The following AGL variants were observed in gnomAD, a reference collection of about 807,000 sequenced individuals.
The protein encoded by AGL is glycogen debranching enzyme.
A neutral mutation model predicts 199.3 loss-of-function variants in AGL; 128 were observed. That is an observed-to-expected ratio of 0.64 (90% CI 0.56 to 0.74). The LOEUF (loss-of-function observed/expected upper bound fraction) is 0.74. Ranked by LOEUF, AGL falls within the 30% of genes least tolerant of loss-of-function variation. AGL has a pLI of 0.00. For synonymous variants in AGL, 584 were observed against 594.7 expected, an observed-to-expected ratio of 0.98 and a Z score of 0.26; for missense variants, 1,809 against 1,820.8, an observed-to-expected ratio of 0.99 and a Z score of 0.12.
intron 25 of AGL, among the ~76,000 whole-genome samples, chr1:99,899,764 G>T (rs957652717): frequency 6.6e-6 from 1 of 151,936 alleles, no homozygotes; most frequent in Non-Finnish European, 1.5e-5. Context: ...GGGATTACAG[G>T]TGCCTGCCAC....
chr1:99,915,587 T>C, intron 31 of AGL, 101 bp downstream of exon 31: 1 of 882,682 alleles, frequency 1.1e-6, no homozygotes, highest in East Asian at 2.4e-5. Context: ...CAAAAGGAGA[T>C]GCCATCTCTA....
chr1:99,903,307 C>T (rs913530276), intron 27 of AGL, among the ~76,000 whole-genome samples: 2 of 152,000 alleles, frequency 1.3e-5, no homozygotes, highest in Non-Finnish European at 2.9e-5. Context: ...CACAACAGGC[C>T]CCAGTATGTG....
At chr1:99,864,721 G>A in intron 5 of AGL, 132 bp downstream of exon 5, 2 of 771,248 alleles carry the variant, frequency 2.6e-6, no homozygotes, top group Non-Finnish European at 4.2e-6. Flanking sequence ...AAACACAAAT[G>A]ATGATTAGGT....
intron 2 of AGL, among the ~76,000 whole-genome samples, chr1:99,852,134 C>A (rs1416625214): frequency 6.6e-6 from 1 of 151,930 alleles, no homozygotes; most frequent in African/African-American, 2.4e-5. Context: ...GCTAGGAATT[C>A]TTTTTCTGTT....
intron 2 of AGL, among the ~76,000 whole-genome samples, chr1:99,856,326 T>G (rs6674610): frequency 1.2e-4 from 6 of 48,880 alleles, no homozygotes; most frequent in Non-Finnish European, 2.3e-4. Flanking sequence ...CTCCCTTCCT[T>G]CCTCCCTCCC....
chr1:99,883,924 T>C (rs1252434529), intron 17 of AGL, among the ~76,000 whole-genome samples, 196 bp from the exon 18 acceptor site: 1 of 152,178 alleles, frequency 6.6e-6, no homozygotes, highest in Non-Finnish European at 1.5e-5. Context: ...AAAAAAGCTT[T>C]GTTAACTAAG....
At chr1:99,888,308 A>G (rs911153857) in intron 21 of AGL, among the ~76,000 whole-genome samples, 200 bp downstream of exon 21, 1 of 152,182 alleles carries the variant, frequency 6.6e-6, no homozygotes, top group African/African-American at 2.4e-5. Flanking sequence ...TTTGAATAAT[A>G]TTATCTAATT....
intron 2 of AGL, among the ~76,000 whole-genome samples, chr1:99,859,618 G>A (rs1478114186): frequency 6.6e-6 from 1 of 152,048 alleles, no homozygotes; most frequent in East Asian, 1.9e-4. Flanking sequence ...TGCGATCCTA[G>A]CTCACTGCAA....
chr1:99,867,716 T>C (rs1284534384), intron 5 of AGL, among the ~76,000 whole-genome samples: 1 of 151,916 alleles, frequency 6.6e-6, no homozygotes, highest in Non-Finnish European at 1.5e-5. Flanking sequence ...CCACCATGCC[T>C]GGCTAATTTT....
At chr1:99,854,606 CAAAA>C (rs958702741) in intron 2 of AGL, among the ~76,000 whole-genome samples, 1 of 150,196 alleles carries the variant, frequency 6.7e-6, no homozygotes, top group Non-Finnish European at 1.5e-5. Context: ...ACTAAAAATA[CAAAA>C]AAAATTAGCC....
At position 99,910,867 on chromosome 1, in the gene AGL, G is replaced by T; in HGVS notation, c.3836+20G>T. The stretch of plus-strand genomic sequence containing the variant: ...ACCAAGGTAGTGTAAATGTTATAAT[G>T]CTGTGTAATTATACCCTTCTTTAAG... On this transcript the variant is annotated intron_variant, in intron 28 of 33. Coordinates refer to ENST00000361915, the MANE Select transcript of AGL (RefSeq NM_000642.3). 6.2e-7 allele frequency: 1 copy of T among 1,607,140 alleles called. No homozygotes were observed. The highest frequency in any genetic ancestry group is 2.2e-5 in the East Asian group (1 of 44,506).
At position 99,923,870 on chromosome 1, in the gene AGL, A is replaced by T. The variant is rs1227637482; in HGVS notation, c.*2219A>T. On this transcript the variant is annotated 3_prime_UTR_variant, in exon 34 of 34. Transcript: ENST00000361915. ...GGTATTTTAATAAGTTTTCAAAGAT[A>T]ATTGGGAAAACATGAGACTGGTCAT... The T allele has an allele frequency of 1.3e-5, 2 of 152,188 alleles. No homozygotes were observed. Among genetic ancestry groups the T allele is most frequent in the Non-Finnish European group, 2.9e-5 (2 of 68,038 alleles). 9.4% of individuals were successfully genotyped at this position (152,188 alleles called of 1,614,324 possible).
rs752626897 is a variant in AGL at position 99,861,655 on chromosome 1, A to AT, written c.235_236insT (p.Lys79IlefsTer4). 1 of 1,613,530 alleles carries AT rather than the reference A, an allele frequency of 6.2e-7. No individual in the cohort carries two copies. The highest frequency in any genetic ancestry group is 1.1e-5 in the South Asian group (1 of 91,068). On this transcript the variant is annotated frameshift_variant, in exon 3 of 34. Coordinates refer to ENST00000361915, the MANE Select transcript of AGL (RefSeq NM_000642.3). LOFTEE classifies it high-confidence loss of function. ...AACAGAAAGAGAAGATGATTCTGAT[A>AT]AATACTGTAAACTTAATCTGCAACA...
At chr1:99,913,401 T>C (rs1654890850) in intron 29 of AGL, 126 bp from the exon 30 acceptor site, 2 of 817,572 alleles carry the variant, frequency 2.4e-6, no homozygotes, top group Non-Finnish European at 4.0e-6. Context: ...GGCCACATTT[T>C]CCAAAAGTGG....
At chr1:99,892,730 G>A in intron 24 of AGL, 123 bp downstream of exon 24, 1 of 939,152 alleles carries the variant, frequency 1.1e-6, no homozygotes, top group African/African-American at 1.6e-5. Context: ...TTACCACTTA[G>A]TACATTTCAT....
chr1:99,864,510 T>A lies in AGL; in HGVS notation c.585T>A (p.Asn195Lys), dbSNP rs756329937. The change falls in exon 5 of 34, where the codon AAT becomes AAA. Residue 195 changes from asparagine (N) to lysine (K), a missense_variant. By Grantham distance (94) the Asn-to-Lys change is moderately conservative. Coordinates refer to ENST00000361915, the MANE Select transcript of AGL (RefSeq NM_000642.3). The stretch of plus-strand genomic sequence containing the variant: ...GACCTAATAGAAAGTATACCTGGAA[T>A]GATGTTGGACAGCTAGTGGAAAAAT... ...FSRPNRKYTW[N>K]DVGQLVEKLK... The A allele has an allele frequency of 6.2e-7, 1 of 1,613,842 alleles. No homozygotes were observed. Among genetic ancestry groups the A allele is most frequent in the Non-Finnish European group, 8.5e-7 (1 of 1,179,906 alleles).
rs138463641 is a variant in AGL at position 99,902,085 on chromosome 1, A to G, written c.3589-598A>G. Among the ~76,000 whole-genome samples, 448 of 152,262 alleles carry G rather than the reference A, an allele frequency of 2.9e-3. 3 individuals are homozygous for G. Among genetic ancestry groups the G allele is most frequent in the African/African-American group, 0.01 (433 of 41,564 alleles). On this transcript the variant is annotated intron_variant, in intron 26 of 33. Coordinates refer to ENST00000361915, the MANE Select transcript of AGL (RefSeq NM_000642.3). Reference sequence around the variant, plus strand: ...GTCTTTAAAATGAAACATAATAAACATGTAAGGACTCTAAACATTTTGCTT... The same window carrying G: ...GTCTTTAAAATGAAACATAATAAACGTGTAAGGACTCTAAACATTTTGCTT...
At chr1:99,870,060 T>C (rs1336078904) in intron 5 of AGL, among the ~76,000 whole-genome samples, 1 of 152,190 alleles carries the variant, frequency 6.6e-6, no homozygotes, top group Non-Finnish European at 1.5e-5. Flanking sequence ...TTTAGCACTT[T>C]CTCAACCTCG....
Position 99,913,716 on chromosome 1 carries a change from A to C in AGL, c.4139A>C (p.Asn1380Thr), listed in dbSNP as rs1157001831. ...SPWCDYQLRP[N>T]FTIAMVVAPE... ...TGGTGTGACTATCAGCTCAGGCCTA[A>C]TTTTACCATAGCAATGGTTGTGGTA... Residue 1380 changes from asparagine to threonine, a missense_variant, in exon 30 of 34, where the codon AAT becomes ACT. Coordinates refer to ENST00000361915, the MANE Select transcript of AGL (RefSeq NM_000642.3). The C allele has an allele frequency of 6.2e-7, 1 of 1,614,086 alleles. No individual in the cohort carries two copies. Among genetic ancestry groups the C allele is most frequent in the East Asian group, 2.2e-5 (1 of 44,860 alleles).
Sources: gnomAD v4.1 joint callset for allele counts (sites outside exome capture counted in the v4.1 genomes callset) on GRCh38, gnomAD v4.1.1 for gene constraint, MANE v1.5 for transcripts, NCBI Gene and HGNC (gene_info 2026-07-23, HGNC 2026-07-21) for gene names.